The following CSDC2 variants were observed in gnomAD, a reference collection of about 807,000 sequenced individuals.
CSDC2 encodes the protein cold shock domain-containing protein C2.
Under a neutral mutation model 15.8 loss-of-function variants are expected in CSDC2, and 8 were observed. The ratio of observed to expected loss-of-function variants is 0.51; its 90% CI spans 0.30 to 0.92. The LOEUF is 0.92. CSDC2 is among the 40% of genes least tolerant of loss of function. CSDC2 has a pLI of 0.07. For missense variants in CSDC2, 195 were observed against 213.3 expected (o/e 0.91, Z 0.53); for synonymous variants, 96 against 92.3 (o/e 1.04, Z -0.23).
At chr22:41,561,998 G>A (rs2067088517) in intron 1 of CSDC2, among the ~76,000 whole-genome samples, 1 of 152,228 alleles carries the variant, frequency 6.6e-6, no homozygotes, top group African/African-American at 2.4e-5. Flanking sequence ...GAGACAGCAG[G>A]TTCCTGCCAA....
At chr22:41,568,142 T>TTTTTTTTTTTTTTTTG (rs2067126199) in intron 1 of CSDC2, among the ~76,000 whole-genome samples, 1 of 148,460 alleles carries the variant, frequency 6.7e-6, no homozygotes, top group African/African-American at 2.5e-5. Flanking sequence ...CTCTTTTTTT[T>TTTTTTTTTTTTTTTTG]GAGACTGGGT....
intron 3 of CSDC2, 101 bp from the exon 4 acceptor site, chr22:41,574,632 C>A: frequency 7.0e-7 from 1 of 1,422,018 alleles, no homozygotes; most frequent in East Asian, 2.4e-5. Context: ...GCCTCCTGGC[C>A]TAGGGAGGCT....
At position 41,568,134 on chromosome 22, in the gene CSDC2, C is replaced by CTTTTTTTTT. The variant is rs66884544; in HGVS notation, c.-123-3701_-123-3700insTTTTTTTTT. ...GAGTCTTTTTTTTCTCTCTCCCTCT[C>CTTTTTTTTT]TTTTTTTTGAGACTGGGTCTTGCTC... On this transcript the variant is annotated intron_variant, in intron 1 of 3. Coordinates refer to ENST00000306149, the MANE Select transcript of CSDC2 (RefSeq NM_014460.4). Among the ~76,000 whole-genome samples, 3 of 109,554 alleles carry CTTTTTTTTT rather than the reference C, an allele frequency of 2.7e-5. 1 individual carries two copies. The highest frequency in any genetic ancestry group is 1.0e-4 in the Admixed American group (1 of 9,558). The allele number at this position is 109,554 out of a possible 152,430, so 71.9% of individuals were successfully genotyped here. A position where few individuals can be genotyped will look rare whatever the true frequency, so the allele number is the denominator to read the frequency against.
At chr22:41,563,956 C>T (rs1391267336) in intron 1 of CSDC2, among the ~76,000 whole-genome samples, 1 of 149,692 alleles carries the variant, frequency 6.7e-6, no homozygotes, top group African/African-American at 2.5e-5. Context: ...TGGTGGCGGG[C>T]ACCTGTATTC....
intron 1 of CSDC2, among the ~76,000 whole-genome samples, chr22:41,569,591 A>T (rs2067134603): frequency 6.6e-6 from 1 of 152,082 alleles, no homozygotes; most frequent in South Asian, 2.1e-4. Flanking sequence ...TCTAGGGTGT[A>T]GCGTGAATCA....
At chr22:41,573,136 G>C (rs551594015) in intron 2 of CSDC2, among the ~76,000 whole-genome samples, 1 of 152,180 alleles carries the variant, frequency 6.6e-6, no homozygotes, top group Non-Finnish European at 1.5e-5. Flanking sequence ...GTTAAGGACA[G>C]GAGATCAAGC....
chr22:41,561,408 T>TGTCTGTGTCTGTGTCTGTGTCTGG (rs2067084319), intron 1 of CSDC2, among the ~76,000 whole-genome samples: 1 of 152,062 alleles, frequency 6.6e-6, no homozygotes, highest in Non-Finnish European at 1.5e-5. Flanking sequence ...AGCATGTCTG[T>TGTCTGTGTCTGTGTCTGTGTCTGG]GTCTGTGTCT....
chr22:41,573,785 C>T lies in CSDC2; in HGVS notation c.299+8C>T. ...CTTCGTACATGTGTCTGAGTGAGTC[C>T]CCTCCACCTCCCTGTTCTTGGCCCC... On this transcript the variant is annotated splice_region_variant and intron_variant, in intron 3 of 3. Coordinates refer to ENST00000306149, the MANE Select transcript of CSDC2 (RefSeq NM_014460.4). The T allele has an allele frequency of 1.2e-6, 2 of 1,608,542 alleles. No homozygotes were observed. The highest frequency in any genetic ancestry group is 1.7e-6 in the Non-Finnish European group (2 of 1,176,340).
chr22:41,564,723 T>G (rs1452335559), intron 1 of CSDC2, among the ~76,000 whole-genome samples: 3 of 152,182 alleles, frequency 2.0e-5, no homozygotes, highest in Non-Finnish European at 4.4e-5. Context: ...CTGACCTTCA[T>G]TAGTCATCTG....
intron 1 of CSDC2, among the ~76,000 whole-genome samples, chr22:41,564,546 C>T (rs1335727741): frequency 2.0e-5 from 3 of 152,190 alleles, no homozygotes; most frequent in Non-Finnish European, 4.4e-5. Flanking sequence ...AGGTGTGAGC[C>T]ACCACTCTTG....
intron 1 of CSDC2, among the ~76,000 whole-genome samples, chr22:41,565,896 CA>C (rs1398346799): frequency 6.6e-6 from 1 of 152,186 alleles, no homozygotes; most frequent in Non-Finnish European, 1.5e-5. Flanking sequence ...GGCCGGGGGA[CA>C]GGGGGATGCA....
intron 2 of CSDC2, 49 bp downstream of exon 2, chr22:41,572,190 G>A (rs112517703): frequency 8.0e-6 from 10 of 1,257,654 alleles, no homozygotes; most frequent in African/African-American, 7.6e-5. Context: ...CAGGACAGGG[G>A]CTGACCATCC....
At position 41,573,769 on chromosome 22, in the gene CSDC2, T is replaced by C. The variant is rs748245967; in HGVS notation, c.291T>C (p.His97=). The part of the protein sequence containing the change: ...PENGSEDIFV[H]VSDIEGEYVP... ...ACGGGTCCGAGGACATCTTCGTACATGTGTCTGAGTGAGTCCCCTCCACCT... is the reference window on the plus strand; with the variant it reads ...ACGGGTCCGAGGACATCTTCGTACACGTGTCTGAGTGAGTCCCCTCCACCT... The change falls in exon 3 of 4, where the codon CAT becomes CAC. Residue 97 remains histidine, a synonymous_variant. Coordinates refer to ENST00000306149, the MANE Select transcript of CSDC2 (RefSeq NM_014460.4). The C allele has an allele frequency of 3.1e-6, 5 of 1,612,186 alleles. No individual in the cohort carries two copies. The highest frequency in any genetic ancestry group is 2.2e-5 in the South Asian group (2 of 91,026).
chr22:41,568,935 A>G (rs2145598741), intron 1 of CSDC2, among the ~76,000 whole-genome samples: 1 of 152,356 alleles, frequency 6.6e-6, no homozygotes, highest in South Asian at 2.1e-4. Context: ...GGCTGGCCAG[A>G]GCAGGCCCCA....
In CSDC2 at chr22:41,565,038, C is replaced by T. The variant is rs543821176; in HGVS notation, c.-124+3855C>T. ...AAAATTAGCTGGGCATGGTGGTGAG[C>T]GTCTGTGATCCCAGCTACTCGAGAG... On this transcript the variant is annotated intron_variant, in intron 1 of 3. Coordinates refer to ENST00000306149, the MANE Select transcript of CSDC2 (RefSeq NM_014460.4). Among the ~76,000 whole-genome samples, 36 of 152,064 alleles carry T rather than the reference C, an allele frequency of 2.4e-4. 1 individual carries two copies. Among genetic ancestry groups the T allele is most frequent in the Middle Eastern group, 3.4e-3 (1 of 294 alleles).
At chr22:41,569,690 C>G (rs2067135117) in intron 1 of CSDC2, among the ~76,000 whole-genome samples, 1 of 151,668 alleles carries the variant, frequency 6.6e-6, no homozygotes, top group Non-Finnish European at 1.5e-5. Flanking sequence ...TGCTGATGGG[C>G]TCGGGCTGTT....
chr22:41,566,200 C>T (rs969160257), intron 1 of CSDC2, among the ~76,000 whole-genome samples: 9 of 148,894 alleles, frequency 6.0e-5, no homozygotes. Flanking sequence ...AATCCCAGCA[C>T]TTTGGGAAGC....
chr22:41,573,523 G>GT (rs1220082012), intron 2 of CSDC2, 132 bp from the exon 3 acceptor site: 60 of 1,043,044 alleles, frequency 5.8e-5, no homozygotes, highest in Non-Finnish European at 7.5e-5. Flanking sequence ...GGGGATGACT[G>GT]TGTGGTTTCT....
rs965396186 is a variant in CSDC2 at position 41,570,314 on chromosome 22, C to T, written c.-123-1529C>T. ...GAGGGAGGATACTACTCCACCTCCA[C>T]CCCTAGGCATGGCAGAGCCAGCTCA... On this transcript the variant is annotated intron_variant, in intron 1 of 3. Coordinates refer to ENST00000306149, the MANE Select transcript of CSDC2 (RefSeq NM_014460.4). 5.3e-5 allele frequency among the ~76,000 whole-genome samples: 8 copies of T among 152,276 alleles called. No homozygotes were observed. The South Asian group carries it at 1.5e-3, about 28-fold the overall frequency.
Sources: gnomAD v4.1 joint callset for allele counts (sites outside exome capture counted in the v4.1 genomes callset) on GRCh38, gnomAD v4.1.1 for gene constraint, MANE v1.5 for transcripts, NCBI Gene and HGNC (gene_info 2026-07-23, HGNC 2026-07-21) for gene names.